Variants in MYOM1 observed in about 807,000 individuals in gnomAD.
MYOM1 encodes myomesin-1.
MYOM1 carries 164 observed loss-of-function variants against 205.3 expected under a neutral mutation model. The ratio of observed to expected loss-of-function variants is 0.80; its 90% CI spans 0.70 to 0.91. The LOEUF (loss-of-function observed/expected upper bound fraction) is 0.91, where lower values mean the gene tolerates loss of function less well. MYOM1 is among the 40% of genes least tolerant of loss of function. MYOM1 has a pLI of 0.00. For missense variants in MYOM1, 2,011 were observed against 2,127.3 expected (o/e 0.95, Z 1.08); for synonymous variants, 772 against 789.4 (o/e 0.98, Z 0.37).
At chr18:3,238,959 G>A in the MYOM1 span, among the ~76,000 whole-genome samples, 1 of 152,096 alleles carries the variant, frequency 6.6e-6, no homozygotes, top group African/African-American at 2.4e-5. Context: ...GCAACGCTGG[G>A]TATACCCAGA....
At chr18:3,129,962 T>C (rs1007745373) in intron 17 of MYOM1, among the ~76,000 whole-genome samples, 2 of 152,102 alleles carry the variant, frequency 1.3e-5, no homozygotes, top group African/African-American at 4.8e-5. Context: ...AGTACTACAA[T>C]AGTAATGGTC....
At position 3,075,507 on chromosome 18, in the gene MYOM1, A is replaced by T. The variant is rs767507283; in HGVS notation, c.4686-31T>A. The T allele has an allele frequency of 1.3e-5, 21 of 1,610,626 alleles. No individual in the cohort carries two copies. In the East Asian group the frequency reaches 4.7e-4, roughly 36 times the overall value. On this transcript the variant is annotated intron_variant, in intron 35 of 37. Transcript: ENST00000356443. The stretch of plus-strand genomic sequence containing the variant: ...GTTGAGAGAAACGAACAAACAGACG[A>T]AGAATTTTGTGTTAGTGTTACTTCA...
intron 23 of MYOM1, 65 bp downstream of exon 23, chr18:3,102,409 C>G: frequency 6.9e-7 from 1 of 1,439,082 alleles, no homozygotes; most frequent in Non-Finnish European, 9.4e-7. Flanking sequence ...AAGTGGAAAT[C>G]AGAGCTCACC....
At chr18:3,091,626 T>G (rs2079228337) in intron 26 of MYOM1, among the ~76,000 whole-genome samples, 1 of 152,198 alleles carries the variant, frequency 6.6e-6, no homozygotes, top group Non-Finnish European at 1.5e-5. Flanking sequence ...TACTAAAAAG[T>G]CTGAAATTTA....
chr18:3,242,151 C>T, the MYOM1 span, among the ~76,000 whole-genome samples: 8 of 152,058 alleles, frequency 5.3e-5, no homozygotes, highest in Admixed American at 2.0e-4. Context: ...GCTGGGAAGG[C>T]ATGATTGGTT....
chr18:3,206,423 A>G (rs1284905252), intron 2 of MYOM1, among the ~76,000 whole-genome samples: 1 of 152,152 alleles, frequency 6.6e-6, no homozygotes, highest in Non-Finnish European at 1.5e-5. Context: ...TCTTTGCTCC[A>G]GTTAGCTGCT....
intron 34 of MYOM1, among the ~76,000 whole-genome samples, chr18:3,078,195 C>A (rs1598649211): frequency 6.6e-6 from 1 of 152,206 alleles, no homozygotes; most frequent in South Asian, 2.1e-4. Context: ...GCATGTGCCA[C>A]CACAGCCAGC....
At chr18:3,196,962 C>A (rs1472182579) in intron 2 of MYOM1, among the ~76,000 whole-genome samples, 1 of 152,102 alleles carries the variant, frequency 6.6e-6, no homozygotes, top group Admixed American at 6.5e-5. Context: ...AAAGAGGACT[C>A]GGGGATATTT....
At chr18:3,136,867 G>C (rs2079974184) in intron 14 of MYOM1, among the ~76,000 whole-genome samples, 1 of 152,166 alleles carries the variant, frequency 6.6e-6, no homozygotes, top group Non-Finnish European at 1.5e-5. Flanking sequence ...AGCTCAAGGA[G>C]CTTTGTTCAC....
In MYOM1 at chr18:3,083,973, G is replaced by A. The variant is rs772825731; in HGVS notation, c.4378+16C>T. The A allele has an allele frequency of 2.4e-5, 38 of 1,587,142 alleles. No homozygotes were observed. Among genetic ancestry groups the A allele is most frequent in the Non-Finnish European group, 3.2e-5 (37 of 1,165,206 alleles). ...GGATCATAAAGCATTGTTGTGGTGC[G>A]AAATGTTTGACTCACCTATTTTTTT... On this transcript the variant is annotated intron_variant, in intron 32 of 37. Transcript: ENST00000356443.
At chr18:3,164,473 A>G in intron 9 of MYOM1, 34 bp from the exon 10 acceptor site, 1 of 1,541,730 alleles carries the variant, frequency 6.5e-7, no homozygotes, top group Non-Finnish European at 8.7e-7. Flanking sequence ...AAATTAACTT[A>G]TTTTTGTTTT....
intron 5 of MYOM1, 89 bp from the exon 6 acceptor site, chr18:3,176,223 C>A: frequency 1.3e-6 from 1 of 747,764 alleles, no homozygotes; most frequent in Non-Finnish European, 2.3e-6. Context: ...CTTGCAGGAA[C>A]ATCTGTAAAC....
In MYOM1 at chr18:3,069,324, C is replaced by T. The variant is rs56096755; in HGVS notation, c.4765-1769G>A. The stretch of plus-strand genomic sequence containing the variant: ...GGTTAATGATGTTGAATTTACTTCA[C>T]ATTTTAAAATTCCATTCTTGTATTT... On this transcript the variant is annotated intron_variant, in intron 37 of 37. Transcript: ENST00000356443. Among the ~76,000 whole-genome samples the T allele has an allele frequency of 6.2e-3, 945 of 152,304 alleles. 5 individuals are homozygous for T. Among genetic ancestry groups the T allele is most frequent in the Middle Eastern group, 0.017 (5 of 294 alleles).
At chr18:3,164,656 G>T (rs534014737) in intron 9 of MYOM1, among the ~76,000 whole-genome samples, 31 of 152,206 alleles carry the variant, frequency 2.0e-4, no homozygotes, top group African/African-American at 7.0e-4. Flanking sequence ...ATCCGCAGGG[G>T]CCTCGTGTAA....
chr18:3,085,157 T>C (rs368752710), intron 30 of MYOM1, 25 bp from the exon 31 acceptor site: 119 of 1,543,234 alleles, frequency 7.7e-5, no homozygotes, highest in East Asian at 6.9e-4. Flanking sequence ...ATATACCACA[T>C]TGCACCTTTC....
At chr18:3,131,885 C>G (rs1489653373) in intron 16 of MYOM1, among the ~76,000 whole-genome samples, 4 of 151,464 alleles carry the variant, frequency 2.6e-5, no homozygotes, top group Non-Finnish European at 5.9e-5. Context: ...CAAATGCTCA[C>G]CAGTAAAATA....
intron 6 of MYOM1, among the ~76,000 whole-genome samples, chr18:3,174,508 G>A (rs2080607204): frequency 6.6e-6 from 1 of 152,086 alleles, no homozygotes; most frequent in Non-Finnish European, 1.5e-5. Context: ...TCAACCAAGT[G>A]CTAGGCACAT....
rs187726040 is a variant in MYOM1, at chr18:3,155,414, T to C, written c.1502-326A>G. Among the ~76,000 whole-genome samples the C allele has an allele frequency of 0.028, 4,253 of 152,250 alleles. 95 individuals are homozygous for C. The highest frequency in any genetic ancestry group is 0.062 in the African/African-American group (2,571 of 41,556). On this transcript the variant is annotated intron_variant, in intron 10 of 37. Transcript: ENST00000356443. ...TTTCTTTTTGTATTTTTGGTAGAGA[T>C]GGGGTTTCACCGTGTTAGCCAGGAT...
intron 9 of MYOM1, among the ~76,000 whole-genome samples, chr18:3,166,093 G>T (rs1418131089): frequency 2.0e-5 from 3 of 152,058 alleles, no homozygotes; most frequent in Non-Finnish European, 2.9e-5. Flanking sequence ...TGGACTCCAT[G>T]TATAAAACAC....
Sources: gnomAD v4.1 joint callset for allele counts (sites outside exome capture counted in the v4.1 genomes callset) on GRCh38, gnomAD v4.1.1 for gene constraint, MANE v1.5 for transcripts, NCBI Gene and HGNC (gene_info 2026-07-23, HGNC 2026-07-21) for gene names.